WWOX: variants seen among roughly 807,000 people sequenced by gnomAD.
WWOX encodes WW domain containing oxidoreductase, also known as WW domain-containing oxidoreductase.
In WWOX, 69 loss-of-function variants were observed where a neutral mutation model predicts 46.2. That is an observed-to-expected ratio of 1.49 (90% CI 1.23 to 1.82). WWOX has a LOEUF of 1.82. WWOX is among the 40% of genes most tolerant of loss of function. The pLI is 0.00. For missense variants in WWOX, 919 were observed against 542.6 expected (o/e 1.69, Z -6.89); for synonymous variants, 359 against 202.6 (o/e 1.77, Z -6.56).
chr16:78,956,162 T>G (rs1005985212), intron 8 of WWOX, among the ~76,000 whole-genome samples: 3 of 151,854 alleles, frequency 2.0e-5, no homozygotes, highest in African/African-American at 4.8e-5. Flanking sequence ...TGTTGTTGTT[T>G]TGAGATGGAG....
chr16:78,889,499 G>C (rs534542198), intron 8 of WWOX, among the ~76,000 whole-genome samples: 1 of 152,102 alleles, frequency 6.6e-6, no homozygotes, highest in African/African-American at 2.4e-5. Context: ...GACTGTTGCA[G>C]CTTCAAATAT....
intron 8 of WWOX, among the ~76,000 whole-genome samples, chr16:78,759,833 G>T (rs555134580): frequency 2.0e-4 from 31 of 152,264 alleles, no homozygotes; most frequent in African/African-American, 7.5e-4. Flanking sequence ...CAAAATGTTG[G>T]CAGGCCTTAG....
rs1482611933 is a variant in WWOX at position 78,424,957 on chromosome 16, G to C, written c.693G>C (p.Val231=). 4 of 1,614,126 alleles carry C rather than the reference G, an allele frequency of 2.5e-6. No individual in the cohort carries two copies. Among genetic ancestry groups the C allele is most frequent in the Admixed American group, 1.7e-5 (1 of 60,014 alleles). The change falls in exon 7 of 9, where the codon GTG becomes GTC. Residue 231 remains valine (V), a synonymous_variant. Transcript: ENST00000566780. ...TKDGLETTFQ[V]NHLGHFYLVQ... is the part of the protein sequence containing the mutation. ...ATGGCCTGGAGACCACCTTTCAAGTGAATCATCTGGGGCACTTCTACCTTG... is the reference window on the plus strand; with the variant it reads ...ATGGCCTGGAGACCACCTTTCAAGTCAATCATCTGGGGCACTTCTACCTTG...
At chr16:79,208,655 A>ATGCTT (rs200921621) in intron 8 of WWOX, among the ~76,000 whole-genome samples, 13,477 of 152,120 alleles carry the variant, frequency 0.089, 718 homozygotes, top group Middle Eastern at 0.15. Flanking sequence ...CAGTTTAAGA[A>ATGCTT]TGCTTTCTCT....
intron 4 of WWOX, among the ~76,000 whole-genome samples, chr16:78,131,168 G>A (rs1317119434): frequency 6.6e-6 from 1 of 152,198 alleles, no homozygotes. Context: ...TATGCAGTGT[G>A]TGACTGTACC....
chr16:78,509,898 G>A (rs1218220830), intron 8 of WWOX, among the ~76,000 whole-genome samples: 5 of 148,962 alleles, frequency 3.4e-5, no homozygotes, highest in South Asian at 4.3e-4. Context: ...AACCAGCCCA[G>A]GCAACATAGT....
intron 8 of WWOX, among the ~76,000 whole-genome samples, chr16:78,777,694 G>T (rs924889346): frequency 2.6e-5 from 4 of 152,240 alleles, no homozygotes; most frequent in African/African-American, 9.6e-5. Flanking sequence ...ACCTAAAAAG[G>T]TAATCATTTT....
chr16:78,687,643 C>G (rs565407263), intron 8 of WWOX, among the ~76,000 whole-genome samples: 6 of 152,232 alleles, frequency 3.9e-5, no homozygotes, highest in Admixed American at 1.3e-4. Flanking sequence ...GCTCAGGAAC[C>G]CTTGGTTAGC....
chr16:78,437,983 C>G (rs765042619), intron 8 of WWOX, among the ~76,000 whole-genome samples: 1 of 152,084 alleles, frequency 6.6e-6, no homozygotes, highest in South Asian at 2.1e-4. Context: ...ACATATTAGT[C>G]TATGGGTTTT....
intron 8 of WWOX, among the ~76,000 whole-genome samples, chr16:78,840,945 G>A (rs2052125284): frequency 1.3e-5 from 2 of 152,002 alleles, no homozygotes; most frequent in South Asian, 2.1e-4. Flanking sequence ...AGTGGAGGGG[G>A]CATTTTGGAA....
intron 8 of WWOX, among the ~76,000 whole-genome samples, chr16:78,763,814 T>C (rs915458322): frequency 2.0e-5 from 3 of 152,350 alleles, no homozygotes; most frequent in African/African-American, 2.4e-5. Context: ...CGAAGCATAA[T>C]TGTCAGCATA....
At chr16:78,802,821 C>T (rs1023503554) in intron 8 of WWOX, among the ~76,000 whole-genome samples, 3 of 144,582 alleles carry the variant, frequency 2.1e-5, no homozygotes, top group African/African-American at 7.7e-5. Flanking sequence ...GAGGCTGAAG[C>T]AGGAGAATTG....
intron 8 of WWOX, among the ~76,000 whole-genome samples, chr16:79,008,280 G>A (rs759033437): frequency 1.9e-4 from 29 of 152,150 alleles, no homozygotes; most frequent in Non-Finnish European, 3.4e-4. Flanking sequence ...GCTCCCCCAT[G>A]CTCTGAGTCA....
At chr16:78,391,832 C>G (rs561188973) in intron 6 of WWOX, among the ~76,000 whole-genome samples, 12 of 152,254 alleles carry the variant, frequency 7.9e-5, no homozygotes, top group Non-Finnish European at 1.6e-4. Flanking sequence ...GAGACTCTGT[C>G]TCAAACAAAT....
intron 8 of WWOX, among the ~76,000 whole-genome samples, chr16:78,693,950 C>T (rs76881459): frequency 0.013 from 1,944 of 152,182 alleles, 19 homozygotes; most frequent in South Asian, 0.036. Context: ...AGGATTTAGA[C>T]GTCTGGACGT....
In WWOX at chr16:78,840,630, A is replaced by G. The variant is rs537088864; in HGVS notation, c.1057-370978A>G. On this transcript the variant is annotated intron_variant, in intron 8 of 8. Coordinates refer to ENST00000566780, the MANE Select transcript of WWOX (RefSeq NM_016373.4). ...GTTGCTCCAAATGTGATGTCCTCAT[A>G]AATCACCGAGGGATCTTGTTAAATT... Among the ~76,000 whole-genome samples, 4 of 152,186 alleles carry G rather than the reference A, an allele frequency of 2.6e-5. No homozygotes were observed. In the South Asian group the frequency reaches 8.3e-4, roughly 32 times the overall value.
At chr16:78,863,374 T>C (rs1396649239) in intron 8 of WWOX, among the ~76,000 whole-genome samples, 1 of 152,226 alleles carries the variant, frequency 6.6e-6, no homozygotes, top group Non-Finnish European at 1.5e-5. Flanking sequence ...TTCTTAACTA[T>C]GGACCTTGAT....
chr16:78,688,333 G>C (rs1164117828), intron 8 of WWOX, among the ~76,000 whole-genome samples: 1 of 147,860 alleles, frequency 6.8e-6, no homozygotes, highest in African/African-American at 2.5e-5. Context: ...GAAAATTCAC[G>C]AGATCATTCA....
intron 8 of WWOX, among the ~76,000 whole-genome samples, chr16:79,035,458 G>A (rs1475124624): frequency 6.6e-6 from 1 of 152,042 alleles, no homozygotes; most frequent in African/African-American, 2.4e-5. Context: ...CCCATAAGTG[G>A]AAGGTGTACT....
Sources: allele counts gnomAD v4.1 joint callset (sites outside exome capture counted in the v4.1 genomes callset), GRCh38; gene constraint gnomAD v4.1.1; transcripts MANE v1.5; gene names NCBI Gene and HGNC (gene_info 2026-07-23, HGNC 2026-07-21).